NBEA: variants seen among roughly 807,000 people sequenced by gnomAD.
NBEA encodes the protein neurobeachin.
A neutral mutation model predicts 343.4 loss-of-function variants in NBEA; 44 were observed. That is an observed-to-expected ratio of 0.13 (90% CI 0.10 to 0.16). The LOEUF is 0.16. Ranked by LOEUF, NBEA falls within the 10% of genes least tolerant of loss-of-function variation. NBEA has a pLI of 1.00. For synonymous variants in NBEA, 1,175 were observed against 1,238.7 expected (o/e 0.95, Z 1.08); for missense variants, 2,555 against 3,631.3 (o/e 0.70, Z 7.62).
chr13:35,109,581 A>T (rs540403187), intron 12 of NBEA, 139 bp downstream of exon 12: 9 of 698,058 alleles, frequency 1.3e-5, no homozygotes, highest in African/African-American at 1.9e-5. Flanking sequence ...GTTAGGCAGT[A>T]TCAGGAGATC....
At chr13:34,950,798 G>A (rs1336549932) in intron 1 of NBEA, among the ~76,000 whole-genome samples, 1 of 152,002 alleles carries the variant, frequency 6.6e-6, no homozygotes, top group Non-Finnish European at 1.5e-5. Context: ...TGATTAAAAA[G>A]AAATGACCAG....
chr13:35,280,735 C>A (rs946474523), intron 34 of NBEA, among the ~76,000 whole-genome samples: 1 of 151,664 alleles, frequency 6.6e-6, no homozygotes, highest in Non-Finnish European at 1.5e-5. Context: ...TCTTTGGATG[C>A]CTTTTATCCT....
chr13:35,103,113 C>T (rs2065732544), intron 11 of NBEA, among the ~76,000 whole-genome samples: 1 of 151,674 alleles, frequency 6.6e-6, no homozygotes, highest in South Asian at 2.1e-4. Flanking sequence ...TTCTGTAGTA[C>T]TTGAGATGAT....
chr13:35,546,007 C>T (rs1207230021), intron 41 of NBEA, among the ~76,000 whole-genome samples: 1 of 152,006 alleles, frequency 6.6e-6, no homozygotes, highest in African/African-American at 2.4e-5. Context: ...TTAGAACCTT[C>T]CCCATATGTA....
At position 35,040,911 on chromosome 13, in the gene NBEA, GTTTC is replaced by G; in HGVS notation, c.295-16_295-13del. 1.3e-6 allele frequency: 2 copies of G among 1,589,424 alleles called. No homozygotes were observed. Among genetic ancestry groups the G allele is most frequent in the African/African-American group, 1.3e-5 (1 of 74,366 alleles). On this transcript the variant is annotated intron_variant, in intron 1 of 58. Coordinates refer to ENST00000379939, the MANE Select transcript of NBEA (RefSeq NM_001385012.1). ...GATAACCTCCCATGTTAACACTATT[GTTTC>G]TTTCTGTTTACTTTCAGCTGGTTGG... is the stretch of plus-strand genomic sequence containing the variant.
chr13:35,368,259 C>T (rs2041238441), intron 38 of NBEA, among the ~76,000 whole-genome samples: 1 of 151,522 alleles, frequency 6.6e-6, no homozygotes, highest in Admixed American at 6.6e-5. Context: ...AATTTACTAT[C>T]ACTCACATTA....
At chr13:35,465,376 C>T (rs2075346792) in intron 40 of NBEA, among the ~76,000 whole-genome samples, 1 of 152,066 alleles carries the variant, frequency 6.6e-6, no homozygotes, top group Non-Finnish European at 1.5e-5. Context: ...CTTTTAAACA[C>T]ATATATTTAA....
intron 41 of NBEA, among the ~76,000 whole-genome samples, chr13:35,526,192 A>T (rs1293449329): frequency 6.6e-6 from 1 of 152,212 alleles, no homozygotes; most frequent in Non-Finnish European, 1.5e-5. Flanking sequence ...ATATATTAAG[A>T]ACTTCTACAT....
chr13:35,539,106 T>C (rs1382583958), intron 41 of NBEA, among the ~76,000 whole-genome samples: 1 of 152,210 alleles, frequency 6.6e-6, no homozygotes, highest in Non-Finnish European at 1.5e-5. Context: ...ATTACTGCCA[T>C]GTGCTAGGCT....
intron 1 of NBEA, among the ~76,000 whole-genome samples, chr13:35,009,670 A>G (rs1231557156): frequency 6.6e-6 from 1 of 152,212 alleles, no homozygotes; most frequent in African/African-American, 2.4e-5. Flanking sequence ...GAGGAGAGAC[A>G]TGATCTGCTT....
At chr13:35,475,943 G>T in intron 41 of NBEA, 2 of 1,614,112 alleles carry the variant, frequency 1.2e-6, no homozygotes, top group South Asian at 2.2e-5. Flanking sequence ...ATGACCTCGA[G>T]GCCCTCGTAG....
At chr13:35,576,732 A>ATTTTACT (rs1170039707) in intron 45 of NBEA, among the ~76,000 whole-genome samples, 7 of 152,188 alleles carry the variant, frequency 4.6e-5, no homozygotes, top group Admixed American at 6.5e-5. Flanking sequence ...TCAAAACTAT[A>ATTTTACT]TGATTTTTTA....
chr13:35,551,847 TTC>T (rs1158800855), intron 43 of NBEA, among the ~76,000 whole-genome samples: 1 of 152,194 alleles, frequency 6.6e-6, no homozygotes, highest in East Asian at 1.9e-4. Flanking sequence ...CTCTTTAAGC[TTC>T]TCTGTTTTAG....
At chr13:35,187,738 T>G (rs1170999059) in intron 30 of NBEA, among the ~76,000 whole-genome samples, 1 of 152,118 alleles carries the variant, frequency 6.6e-6, no homozygotes, top group Non-Finnish European at 1.5e-5. Context: ...TTTCTTGACA[T>G]AAAATTTCTA....
intron 41 of NBEA, among the ~76,000 whole-genome samples, chr13:35,548,160 G>T (rs1230522123): frequency 6.6e-6 from 1 of 152,120 alleles, no homozygotes; most frequent in African/African-American, 2.4e-5. Context: ...AGGTAGCAAA[G>T]GAAAAATATT....
chr13:35,608,817 G>C (rs1314982744), intron 48 of NBEA, among the ~76,000 whole-genome samples: 1 of 124,848 alleles, frequency 8.0e-6, no homozygotes, highest in Non-Finnish European at 1.7e-5. Context: ...ATTAAGCAAG[G>C]CACTTGATTT....
chr13:35,553,779 CAG>C (rs776311302), intron 43 of NBEA, among the ~76,000 whole-genome samples: 7 of 152,106 alleles, frequency 4.6e-5, no homozygotes, highest in Admixed American at 2.0e-4. Flanking sequence ...AGTGAATTCT[CAG>C]GGGTGCTGCA....
chr13:35,532,014 T>C (rs1255472028), intron 41 of NBEA, among the ~76,000 whole-genome samples: 1 of 152,254 alleles, frequency 6.6e-6, no homozygotes, highest in Admixed American at 6.5e-5. Flanking sequence ...TCTTATGCTG[T>C]CTGTTGGACT....
intron 35 of NBEA, among the ~76,000 whole-genome samples, 198 bp downstream of exon 35, chr13:35,290,648 C>T (rs990404561): frequency 6.6e-6 from 1 of 150,894 alleles, no homozygotes; most frequent in Non-Finnish European, 1.5e-5. Flanking sequence ...GACTTATTCT[C>T]CCTCTCCCTT....
Sources: gnomAD v4.1 joint callset for allele counts (sites outside exome capture counted in the v4.1 genomes callset) on GRCh38, gnomAD v4.1.1 for gene constraint, MANE v1.5 for transcripts, NCBI Gene and HGNC (gene_info 2026-07-23, HGNC 2026-07-21) for gene names.